ZC3H12D: variants seen among roughly 807,000 people sequenced by gnomAD.
The protein encoded by ZC3H12D is zinc finger CCCH-type containing 12D.
In ZC3H12D, 11 loss-of-function variants were observed where a neutral mutation model predicts 24.2. The observed-to-expected ratio is 0.46, with a 90% CI of 0.29 to 0.75. ZC3H12D has a LOEUF of 0.75. Ranked by LOEUF, ZC3H12D falls within the 30% of genes least tolerant of loss-of-function variation. The probability of loss-of-function intolerance (pLI) is 0.11; values close to 1 mark genes in which losing one functional copy is unlikely to be tolerated. For synonymous variants in ZC3H12D, 333 were observed against 341.8 expected (o/e 0.97, Z 0.28); for missense variants, 740 against 767.7 (o/e 0.96, Z 0.43).
rs183394452 is a variant in ZC3H12D, at chr6:149,459,177, A to C, written c.446-2277T>G. ...TGCACTTGTTGTGGCTTATTTAAAA[A>C]TTCCTTCCCTATCCCAAAGTAATTT... On this transcript the variant is annotated intron_variant, in intron 3 of 5. Transcript: ENST00000409806. 6.6e-5 allele frequency among the ~76,000 whole-genome samples: 10 copies of C among 152,314 alleles called. No homozygotes were observed. In the East Asian group the frequency reaches 1.7e-3, roughly 26 times the overall value.
intron 2 of ZC3H12D, among the ~76,000 whole-genome samples, chr6:149,467,608 C>T (rs780595164): frequency 3.3e-4 from 51 of 152,250 alleles, no homozygotes; most frequent in Middle Eastern, 3.4e-3. Flanking sequence ...GCACTTTGCA[C>T]GTTTTGCCTC....
chr6:149,475,768 C>T (rs935771151), intron 1 of ZC3H12D, among the ~76,000 whole-genome samples: 2 of 142,484 alleles, frequency 1.4e-5, no homozygotes, highest in African/African-American at 2.7e-5. Context: ...CCAGGCATTA[C>T]AGCCTGACCT....
At chr6:149,464,701 G>A (rs1776123752) in intron 2 of ZC3H12D, among the ~76,000 whole-genome samples, 1 of 152,194 alleles carries the variant, frequency 6.6e-6, no homozygotes, top group Admixed American at 6.5e-5. Context: ...AAAAGCTGTT[G>A]AATAAACGAA....
At chr6:149,481,550 A>C (rs1475038661) in intron 1 of ZC3H12D, among the ~76,000 whole-genome samples, 1 of 151,548 alleles carries the variant, frequency 6.6e-6, no homozygotes, top group Non-Finnish European at 1.5e-5. Flanking sequence ...TAATTTTTGT[A>C]TTTTAGTAGA....
Position 149,452,537 on chromosome 6 carries a change from A to C in ZC3H12D, c.787+79T>G. 1.2e-4 allele frequency: 130 copies of C among 1,096,154 alleles called. No individual in the cohort carries two copies. Among genetic ancestry groups the C allele is most frequent in the Non-Finnish European group, 1.5e-4 (121 of 805,538 alleles). 67.9% of individuals were successfully genotyped at this position (1,096,154 alleles called of 1,614,324 possible). A position where few individuals can be genotyped will look rare whatever the true frequency, so the allele number is the denominator to read the frequency against. On this transcript the variant is annotated intron_variant, in intron 5 of 5. Coordinates refer to ENST00000409806, the MANE Select transcript of ZC3H12D (RefSeq NM_207360.3). The surrounding 1 kb of genome is among the most constrained non-coding windows in gnomAD (Gnocchi z 4.0). Reference sequence around the variant, plus strand: ...AGCCCAGGCCGCTGAGCACCAGGCCAGCGCTTTTTGACTGTGCTCCTGTAC... The same window carrying C: ...AGCCCAGGCCGCTGAGCACCAGGCCCGCGCTTTTTGACTGTGCTCCTGTAC...
chr6:149,454,047 G>T (rs1775941585), intron 4 of ZC3H12D, among the ~76,000 whole-genome samples: 1 of 152,198 alleles, frequency 6.6e-6, no homozygotes, highest in African/African-American at 2.4e-5. Context: ...TGAGGAAGTG[G>T]ATCCCAGGTG....
chr6:149,456,623 G>GGGTGGGGTCCCCCC lies in ZC3H12D; in HGVS notation c.680+42_680+43insGGGGGGACCCCACC. The GGGTGGGGTCCCCCC allele has an allele frequency of 1.3e-6, 1 of 744,590 alleles. No homozygotes were observed. Among genetic ancestry groups the GGGTGGGGTCCCCCC allele is most frequent in the Non-Finnish European group, 2.2e-6 (1 of 456,108 alleles). 46.1% of individuals were successfully genotyped at this position (744,590 alleles called of 1,614,324 possible). ...GCCACTGCCTCGACCCCGGCCCCCC[G>GGGTGGGGTCCCCCC]CCCCGCCGCCCCCCAGGGTGTCAGG... is the stretch of plus-strand genomic sequence containing the variant. On this transcript the variant is annotated intron_variant, in intron 4 of 5. Coordinates refer to ENST00000409806, the MANE Select transcript of ZC3H12D (RefSeq NM_207360.3). The surrounding 1 kb of genome is among the most constrained non-coding windows in gnomAD (Gnocchi z 4.3).
At position 149,456,622 on chromosome 6, in the gene ZC3H12D, C is replaced by CCCCCCCCCCCCCCCCCCCCGGTGGGG; in HGVS notation, c.680+43_680+44insCCCCACCGGGGGGGGGGGGGGGGGGG. On this transcript the variant is annotated intron_variant, in intron 4 of 5. Transcript: ENST00000409806. This position sits in a 1 kb window ranked among gnomAD's most constrained non-coding sequence, Gnocchi z 4.3. ...GGCCACTGCCTCGACCCCGGCCCCC[C>CCCCCCCCCCCCCCCCCCCCGGTGGGG]GCCCCGCCGCCCCCCAGGGTGTCAG... 7.6e-7 allele frequency: 1 copy of CCCCCCCCCCCCCCCCCCCCGGTGGGG among 1,314,360 alleles called. No homozygotes were observed. Among genetic ancestry groups the CCCCCCCCCCCCCCCCCCCCGGTGGGG allele is most frequent in the Non-Finnish European group, 1.1e-6 (1 of 921,308 alleles). 81.4% of individuals were successfully genotyped at this position (1,314,360 alleles called of 1,614,324 possible).
chr6:149,470,417 C>T (rs1300796233), intron 2 of ZC3H12D, among the ~76,000 whole-genome samples: 2 of 151,860 alleles, frequency 1.3e-5, no homozygotes, highest in East Asian at 1.9e-4. Context: ...CACCCGTAAT[C>T]CCAGCTACTC....
chr6:149,469,262 C>A (rs1776207150), intron 2 of ZC3H12D, among the ~76,000 whole-genome samples: 1 of 152,122 alleles, frequency 6.6e-6, no homozygotes, highest in Non-Finnish European at 1.5e-5. Context: ...TCGAGACCAT[C>A]CTGGCTAACA....
intron 1 of ZC3H12D, among the ~76,000 whole-genome samples, chr6:149,484,437 C>G (rs1399319955): frequency 6.6e-6 from 1 of 152,098 alleles, no homozygotes; most frequent in African/African-American, 2.4e-5. Flanking sequence ...CCTGGGAGTT[C>G]TACTCTTTCT....
At position 149,449,598 on chromosome 6, in the gene ZC3H12D, T is replaced by A. The variant is rs1482137227; in HGVS notation, c.*1085A>T. 5 of 152,034 alleles carry A rather than the reference T, an allele frequency of 3.3e-5. No homozygotes were observed. Among genetic ancestry groups the A allele is most frequent in the African/African-American group, 1.2e-4 (5 of 41,380 alleles). The allele number at this position is 152,034 out of a possible 1,614,324, so 9.4% of individuals were successfully genotyped here. The stretch of plus-strand genomic sequence containing the variant: ...GACTACAGGTGTATGCCACCATGCC[T>A]GGCTAAATTTTTGTATTTTTAGTAG... On this transcript the variant is annotated 3_prime_UTR_variant, in exon 6 of 6. Transcript: ENST00000409806.
At chr6:149,465,648 G>A (rs781015008) in intron 2 of ZC3H12D, among the ~76,000 whole-genome samples, 12 of 151,878 alleles carry the variant, frequency 7.9e-5, no homozygotes, top group Non-Finnish European at 1.6e-4. Flanking sequence ...CCAGCTACTC[G>A]GGAGGCTGAG....
rs1775980559 is a variant in ZC3H12D at position 149,456,458 on chromosome 6, G to A, written c.680+208C>T. 6.6e-6 allele frequency among the ~76,000 whole-genome samples: 1 copy of A among 151,944 alleles called. No homozygotes were observed. The highest frequency in any genetic ancestry group is 1.5e-5 in the Non-Finnish European group (1 of 67,986). ...GGCTTCTCTGTGGTGTGTCAGATGT[G>A]GCCCTGGGAACAGCAAGGTCAGAGC... On this transcript the variant is annotated intron_variant, in intron 4 of 5. Coordinates refer to ENST00000409806, the MANE Select transcript of ZC3H12D (RefSeq NM_207360.3). This position sits in a 1 kb window ranked among gnomAD's most constrained non-coding sequence, Gnocchi z 4.3.
At chr6:149,477,851 T>C (rs889142264) in intron 1 of ZC3H12D, among the ~76,000 whole-genome samples, 3 of 152,112 alleles carry the variant, frequency 2.0e-5, no homozygotes, top group Non-Finnish European at 4.4e-5. Flanking sequence ...GACTCCAAGA[T>C]TTTTTCAGGG....
chr6:149,451,030 G>A lies in ZC3H12D; in HGVS notation c.1237C>T (p.Pro413Ser), dbSNP rs577977543. Residue 413 changes from proline (P) to serine (S), a missense_variant, in exon 6 of 6, where the codon CCG becomes TCG. By Grantham distance (74) the Pro-to-Ser change is moderately conservative. Transcript: ENST00000409806. ...TCCCTAGGGCGGTGTTCGCCCCGCGGCTGGAGCTGCAGGCCGGGCGGAGGC... is the reference window on the plus strand; with the variant it reads ...TCCCTAGGGCGGTGTTCGCCCCGCGACTGGAGCTGCAGGCCGGGCGGAGGC... ...LPPPPGLQLQ[P>S]RGEHRPRDLH... 1 of 1,440,668 alleles carries A rather than the reference G, an allele frequency of 6.9e-7. No homozygotes were observed. Among genetic ancestry groups the A allele is most frequent in the Non-Finnish European group, 9.1e-7 (1 of 1,102,782 alleles). The allele number at this position is 1,440,668 out of a possible 1,614,324, so 89.2% of individuals were successfully genotyped here.
chr6:149,467,821 T>C (rs977795678), intron 2 of ZC3H12D, among the ~76,000 whole-genome samples: 26 of 152,210 alleles, frequency 1.7e-4, no homozygotes, highest in Admixed American at 7.9e-4. Context: ...AGGATCCAGA[T>C]GGCAGTTCTT....
chr6:149,448,980 C>A lies in ZC3H12D; in HGVS notation c.*1703G>T, dbSNP rs564858138. On this transcript the variant is annotated 3_prime_UTR_variant, in exon 6 of 6. Coordinates refer to ENST00000409806, the MANE Select transcript of ZC3H12D (RefSeq NM_207360.3). ...GGAAGTGCCTCCCGCTTTCCCCAAACTGCCAAGCTACCAAGCCCTCTAGTG... is the reference window on the plus strand; with the variant it reads ...GGAAGTGCCTCCCGCTTTCCCCAAAATGCCAAGCTACCAAGCCCTCTAGTG... The A allele has an allele frequency of 6.6e-6, 1 of 152,266 alleles. No homozygotes were observed. Among genetic ancestry groups the A allele is most frequent in the Non-Finnish European group, 1.5e-5 (1 of 68,092 alleles). The allele number at this position is 152,266 out of a possible 1,614,324, so 9.4% of individuals were successfully genotyped here.
At chr6:149,465,791 G>A (rs1320985673) in intron 2 of ZC3H12D, among the ~76,000 whole-genome samples, 4 of 150,520 alleles carry the variant, frequency 2.7e-5, no homozygotes, top group South Asian at 2.1e-4. Context: ...GAAGCAGATC[G>A]CTGGTCCTTT....
Sources: allele counts gnomAD v4.1 joint callset (sites outside exome capture counted in the v4.1 genomes callset), GRCh38; gene constraint gnomAD v4.1.1; non-coding constraint Gnocchi (gnomAD v3.1); transcripts MANE v1.5; gene names NCBI Gene and HGNC (gene_info 2026-07-23, HGNC 2026-07-21).